ITPR1: variants seen among roughly 807,000 people sequenced by gnomAD.
The protein encoded by ITPR1 is inositol 1,4,5-trisphosphate receptor type 1.
Under a neutral mutation model 318.4 loss-of-function variants are expected in ITPR1, and 96 were observed. The observed-to-expected ratio is 0.30, with a 90% CI of 0.26 to 0.36. ITPR1 has a LOEUF of 0.36. Ranked by LOEUF, ITPR1 falls within the 10% of genes least tolerant of loss-of-function variation. The pLI is 1.00. For missense variants in ITPR1, 2,440 were observed against 3,460.2 expected, an observed-to-expected ratio of 0.71 and a Z score of 7.40; for synonymous variants, 1,312 against 1,289.9, an observed-to-expected ratio of 1.02 and a Z score of -0.37.
chr3:4,814,601 G>C, intron 58 of ITPR1, 39 bp downstream of exon 58: 1 of 1,219,438 alleles, frequency 8.2e-7, no homozygotes, highest in Non-Finnish European at 1.2e-6. Context: ...CAAAGGGGGC[G>C]GGTGGGGTGG....
intron 4 of ITPR1, among the ~76,000 whole-genome samples, chr3:4,560,866 CT>C (rs1173071889): frequency 6.6e-6 from 1 of 152,134 alleles, no homozygotes; most frequent in African/African-American, 2.4e-5. Flanking sequence ...GTTTGATTGG[CT>C]TTTTGTTCAT....
intron 2 of ITPR1, among the ~76,000 whole-genome samples, chr3:4,497,559 G>A (rs188285739): frequency 2.0e-4 from 30 of 152,284 alleles, no homozygotes; most frequent in Middle Eastern, 3.4e-3. Flanking sequence ...GTTAAAGGGG[G>A]AACAGAAAAT....
At chr3:4,664,473 G>A (rs150439903) in intron 16 of ITPR1, among the ~76,000 whole-genome samples, 34 of 152,260 alleles carry the variant, frequency 2.2e-4, no homozygotes, top group Non-Finnish European at 4.7e-4. Context: ...ATGGAACAAG[G>A]GATTTGAGAT....
chr3:4,638,703 A>G (rs753975263), intron 5 of ITPR1, among the ~76,000 whole-genome samples: 16 of 152,250 alleles, frequency 1.1e-4, no homozygotes, highest in Admixed American at 2.0e-4. Context: ...CTAACTAGCT[A>G]TGCAAGGGTG....
chr3:4,546,616 C>T (rs13068939), intron 4 of ITPR1, among the ~76,000 whole-genome samples: 31,794 of 152,012 alleles, frequency 0.21, 4,180 homozygotes, highest in Admixed American at 0.3. Flanking sequence ...GCAGTAGTGT[C>T]CTTTGTGTTG....
intron 4 of ITPR1, among the ~76,000 whole-genome samples, chr3:4,588,884 C>A (rs916208976): frequency 6.6e-6 from 1 of 152,224 alleles, no homozygotes; most frequent in Non-Finnish European, 1.5e-5. Flanking sequence ...TCTTAGCCAT[C>A]TGAGTCCAGT....
chr3:4,592,017 T>A (rs2090435265), intron 4 of ITPR1, among the ~76,000 whole-genome samples: 1 of 152,224 alleles, frequency 6.6e-6, no homozygotes, highest in Non-Finnish European at 1.5e-5. Context: ...TTTTGATCTT[T>A]TGCCCTTGAT....
chr3:4,683,494 G>T lies in ITPR1; in HGVS notation c.3270G>T (p.Leu1090=), dbSNP rs1467253332. Residue 1090 remains leucine (L), a synonymous_variant, in exon 27 of 62, where the codon CTG becomes CTT. Transcript: ENST00000649015. The stretch of plus-strand genomic sequence containing the variant: ...ACCCACCCCTGGTGTCAGGGGCCCT[G>T]CAGCTCCTCTTCCGGCACTTCAGCC... The part of the protein sequence containing the change: ...HDYPPLVSGA[L]QLLFRHFSQR... 49 of 1,613,944 alleles carry T rather than the reference G, an allele frequency of 3.0e-5. No individual in the cohort carries two copies. Among genetic ancestry groups the T allele is most frequent in the Non-Finnish European group, 4.1e-5 (48 of 1,179,906 alleles).
rs1240709830 is a variant in ITPR1 at position 4,644,195 on chromosome 3, T to C, written c.585T>C (p.Ala195=). 1 of 1,611,028 alleles carries C rather than the reference T, an allele frequency of 6.2e-7. No individual in the cohort carries two copies. The highest frequency in any genetic ancestry group is 8.5e-7 in the Non-Finnish European group (1 of 1,178,678). Residue 195 remains alanine, a synonymous_variant, in exon 8 of 62, where the codon GCT becomes GCC. Coordinates refer to ENST00000649015, the MANE Select transcript of ITPR1 (RefSeq NM_001378452.1). ...TCAATGCTGGTCAGCCCCTACATGC[T>C]AGCAGCCATCAACTGGTAGATAACC... ...NPVNAGQPLH[A]SSHQLVDNPG...
intron 4 of ITPR1, among the ~76,000 whole-genome samples, chr3:4,597,025 G>A (rs1475086192): frequency 6.6e-6 from 1 of 152,202 alleles, no homozygotes; most frequent in Non-Finnish European, 1.5e-5. Flanking sequence ...TGCTCAGAGA[G>A]GACTGCGTGA....
chr3:4,721,851 A>T (rs1277043928), intron 40 of ITPR1, among the ~76,000 whole-genome samples: 1 of 152,202 alleles, frequency 6.6e-6, no homozygotes, highest in East Asian at 1.9e-4. Context: ...CATGAAGCGG[A>T]TGGATGGATG....
Position 4,814,416 on chromosome 3 carries a change from T to A in ITPR1, c.7562-7T>A. On this transcript the variant is annotated splice_region_variant and splice_polypyrimidine_tract_variant and intron_variant, in intron 57 of 61. Coordinates refer to ENST00000649015, the MANE Select transcript of ITPR1 (RefSeq NM_001378452.1). ...TTTCTCTCTGTTGTTACTTGCCGTG[T>A]TCACAGAGCTGGTCCCTGCAGAAGA... 1 of 1,613,942 alleles carries A rather than the reference T, an allele frequency of 6.2e-7. No homozygotes were observed. The highest frequency in any genetic ancestry group is 8.5e-7 in the Non-Finnish European group (1 of 1,179,826).
chr3:4,707,930 T>A (rs2094793868), intron 37 of ITPR1, among the ~76,000 whole-genome samples: 5 of 152,176 alleles, frequency 3.3e-5, no homozygotes, highest in Admixed American at 3.3e-4. Context: ...GAAATGATGA[T>A]CTTTGTCTCA....
intron 33 of ITPR1, among the ~76,000 whole-genome samples, chr3:4,696,675 T>C: frequency 2.3e-5 from 1 of 44,010 alleles, no homozygotes; most frequent in Admixed American, 2.1e-4. Flanking sequence ...TGCCGTGTGT[T>C]TTTTTTTTTT....
rs372384335 is a variant in ITPR1, at chr3:4,675,136, T to C, written c.2667T>C (p.Thr889=). The C allele has an allele frequency of 6.2e-7, 1 of 1,608,992 alleles. No individual in the cohort carries two copies. The highest frequency in any genetic ancestry group is 1.3e-5 in the African/African-American group (1 of 74,944). ...ACTTCTCTGACCTTCTACGATTAAC[T>C]AAGATCCTTCTGGCCATATTGGACT... ...FYNFSDLLRL[T]KILLAILDCV... The change falls in exon 23 of 62, where the codon ACT becomes ACC. Residue 889 remains threonine, a synonymous_variant. Transcript: ENST00000649015.
At chr3:4,599,523 C>G (rs1042843469) in intron 4 of ITPR1, among the ~76,000 whole-genome samples, 1 of 152,172 alleles carries the variant, frequency 6.6e-6, no homozygotes, top group Non-Finnish European at 1.5e-5. Context: ...GGGAGAAGGA[C>G]TTTTACAGTC....
chr3:4,497,437 A>C (rs748141616), intron 2 of ITPR1, among the ~76,000 whole-genome samples: 1 of 152,244 alleles, frequency 6.6e-6, no homozygotes, highest in African/African-American at 2.4e-5. Context: ...TGAACAAACC[A>C]TCCCGTTCCC....
intron 46 of ITPR1, among the ~76,000 whole-genome samples, chr3:4,773,790 C>T (rs879423719): frequency 3.3e-5 from 5 of 152,176 alleles, no homozygotes; most frequent in South Asian, 2.1e-4. Flanking sequence ...GAGAAACAAT[C>T]GAGCCCACAC....
At chr3:4,759,457 C>A (rs574146816) in intron 44 of ITPR1, among the ~76,000 whole-genome samples, 22 of 152,292 alleles carry the variant, frequency 1.4e-4, no homozygotes, top group African/African-American at 5.1e-4. Flanking sequence ...CCAGTGTGGT[C>A]AAAAGTAACT....
Sources: allele counts gnomAD v4.1 joint callset (sites outside exome capture counted in the v4.1 genomes callset), GRCh38; gene constraint gnomAD v4.1.1; transcripts MANE v1.5; gene names NCBI Gene and HGNC (gene_info 2026-07-23, HGNC 2026-07-21).